Variants in DHX34 observed in about 807,000 individuals in gnomAD.
The protein encoded by DHX34 is probable ATP-dependent RNA helicase DHX34.
Under a neutral mutation model 111.1 loss-of-function variants are expected in DHX34, and 96 were observed. The observed-to-expected ratio is 0.86, with a 90% CI of 0.73 to 1.02. DHX34 has a LOEUF of 1.02. Among genes scored for constraint, DHX34 ranks in the 50% least tolerant of loss-of-function variants. DHX34 has a pLI of 0.00. For missense variants in DHX34, 1,560 were observed against 1,579.9 expected (o/e 0.99, Z 0.21); for synonymous variants, 688 against 670.4 (o/e 1.03, Z -0.41).
At chr19:47,358,216 G>C (rs1167000506) in intron 4 of DHX34, 96 bp downstream of exon 4, 7 of 1,489,124 alleles carry the variant, frequency 4.7e-6, no homozygotes, top group Non-Finnish European at 6.3e-6. Flanking sequence ...CACAGGGCTC[G>C]GGGGCTGTAC....
chr19:47,368,030 A>G (rs1969846192), intron 7 of DHX34, among the ~76,000 whole-genome samples: 1 of 151,662 alleles, frequency 6.6e-6, no homozygotes, highest in African/African-American at 2.4e-5. Flanking sequence ...ATTTTATGTT[A>G]TTTTTTACCA....
chr19:47,376,078 G>A lies in DHX34; in HGVS notation c.2462G>A (p.Ser821Asn). The A allele has an allele frequency of 6.4e-7, 1 of 1,567,670 alleles. No homozygotes were observed. Among genetic ancestry groups the A allele is most frequent in the Non-Finnish European group, 8.6e-7 (1 of 1,159,106 alleles). Residue 821 changes from serine (S) to asparagine (N), a missense_variant, in exon 11 of 17, where the codon AGC becomes AAC. Physicochemically the swap from Ser to Asn is conservative, Grantham distance 46 (BLOSUM62 1). Transcript: ENST00000328771. ...QLAVPDAFNS[S>N]RKDSDQIFHT... ...GCCGTCCCCGACGCCTTCAACAGCA[G>A]CCGAAAGGACTCAGACCAGGTGGGG...
At chr19:47,375,257 T>C (rs1970098594) in intron 9 of DHX34, 5 of 984,528 alleles carry the variant, frequency 5.1e-6, no homozygotes, top group Non-Finnish European at 6.0e-6. Context: ...ACCTGCCTCC[T>C]CTTGCCCCTG....
chr19:47,381,495 G>C, intron 16 of DHX34, 171 bp downstream of exon 16: 1 of 981,608 alleles, frequency 1.0e-6, no homozygotes, highest in South Asian at 1.8e-5. Flanking sequence ...AGGAGCCCAA[G>C]GCAGGGAGAG....
At chr19:47,378,932 C>G (rs1194909512) in intron 13 of DHX34, among the ~76,000 whole-genome samples, 1 of 151,254 alleles carries the variant, frequency 6.6e-6, no homozygotes, top group African/African-American at 2.4e-5. Flanking sequence ...GAGTTTGGGA[C>G]CAGCCTAGCC....
intron 16 of DHX34, 75 bp downstream of exon 16, chr19:47,381,399 G>A: frequency 6.5e-7 from 1 of 1,547,804 alleles, no homozygotes; most frequent in East Asian, 2.3e-5. Flanking sequence ...TCCTGTGCGT[G>A]TGAGCACTTG....
In DHX34 at chr19:47,382,256, T is replaced by C. The variant is rs1970391249; in HGVS notation, c.*143T>C. 2 of 1,401,840 alleles carry C rather than the reference T, an allele frequency of 1.4e-6. No individual in the cohort carries two copies. The highest frequency in any genetic ancestry group is 1.9e-6 in the Non-Finnish European group (2 of 1,062,896). 86.8% of individuals were successfully genotyped at this position (1,401,840 alleles called of 1,614,324 possible). ...TGCAGAGGGCCTGGAGCACGGATTG[T>C]GAATAAAGCCTCACATGCTGATACA... is the stretch of plus-strand genomic sequence containing the variant. On this transcript the variant is annotated 3_prime_UTR_variant, in exon 17 of 17. Transcript: ENST00000328771.
chr19:47,369,141 G>A (rs1969891684), intron 7 of DHX34, among the ~76,000 whole-genome samples: 1 of 152,142 alleles, frequency 6.6e-6, no homozygotes, highest in Non-Finnish European at 1.5e-5. Context: ...GCCTCCCAAA[G>A]TGCTGGGATT....
chr19:47,354,896 C>T lies in DHX34; in HGVS notation c.706-143C>T, dbSNP rs1051273603. ...CTCGAACTCCCTACCTCAGGTGATCCGCCCGCCTCTGCCTCCCAAAGTGCT... is the reference window on the plus strand; with the variant it reads ...CTCGAACTCCCTACCTCAGGTGATCTGCCCGCCTCTGCCTCCCAAAGTGCT... On this transcript the variant is annotated intron_variant, in intron 2 of 16. Transcript: ENST00000328771. 2.0e-4 allele frequency: 287 copies of T among 1,433,704 alleles called. 1 individual carries two copies. Among genetic ancestry groups the T allele is most frequent in the Non-Finnish European group, 2.4e-4 (265 of 1,083,780 alleles). 88.8% of individuals were successfully genotyped at this position (1,433,704 alleles called of 1,614,324 possible). A position where few individuals can be genotyped will look rare whatever the true frequency, so the allele number is the denominator to read the frequency against.
At chr19:47,381,126 G>A in intron 15 of DHX34, 60 bp from the exon 16 acceptor site, 1 of 1,601,964 alleles carries the variant, frequency 6.2e-7, no homozygotes, top group African/African-American at 1.3e-5. Context: ...TCCCGGGGGG[G>A]CACTTGGGTG....
Position 47,360,102 on chromosome 19 carries a change from C to T in DHX34, c.1375+32C>T. ...ACCACCATGAGCCCCTACCCACCAC[C>T]CCCAAGGACTTAGGAGCATGGGGTC... On this transcript the variant is annotated intron_variant, in intron 5 of 16. Coordinates refer to ENST00000328771, the MANE Select transcript of DHX34 (RefSeq NM_014681.6). The T allele has an allele frequency of 2.5e-6, 4 of 1,607,024 alleles. No individual in the cohort carries two copies. In the East Asian group the frequency reaches 6.7e-5, roughly 27 times the overall value.
chr19:47,370,275 C>G (rs928094802), intron 7 of DHX34, among the ~76,000 whole-genome samples: 1 of 152,098 alleles, frequency 6.6e-6, no homozygotes, highest in African/African-American at 2.4e-5. Flanking sequence ...GGTGGAGTAC[C>G]CAAGATCCCC....
At position 47,353,523 on chromosome 19, in the gene DHX34, G is replaced by A. The variant is rs1053244982; in HGVS notation, c.493G>A (p.Ala165Thr). ...LQRERAALPI[A>T]QYGNRILQTL... ...GCGTGAGCGGGCAGCCCTCCCCATCGCCCAGTATGGGAACCGCATCCTGCA... is the reference window on the plus strand; with the variant it reads ...GCGTGAGCGGGCAGCCCTCCCCATCACCCAGTATGGGAACCGCATCCTGCA... Residue 165 changes from alanine to threonine, a missense_variant, in exon 2 of 17, where the codon GCC becomes ACC. Transcript: ENST00000328771. The surrounding 1 kb of genome is among the most constrained non-coding windows in gnomAD (Gnocchi z 4.6). 4 of 1,613,492 alleles carry A rather than the reference G, an allele frequency of 2.5e-6. No individual in the cohort carries two copies. The highest frequency in any genetic ancestry group is 1.3e-5 in the African/African-American group (1 of 74,924).
intron 5 of DHX34, among the ~76,000 whole-genome samples, chr19:47,361,833 G>T (rs906819360): frequency 6.6e-6 from 1 of 152,168 alleles, no homozygotes. Context: ...GAAATATGGT[G>T]CTCTGTTCAG....
intron 16 of DHX34, chr19:47,381,747 G>A (rs1160132393): frequency 4.4e-6 from 3 of 686,828 alleles, no homozygotes; most frequent in Non-Finnish European, 5.4e-6. Flanking sequence ...CTGCCTCTCA[G>A]TCTCCATGTC....
rs907222293 is a variant in DHX34 at position 47,357,922 on chromosome 19, C to A, written c.1074C>A (p.Asp358Glu). 3.1e-6 allele frequency: 5 copies of A among 1,613,926 alleles called. No individual in the cohort carries two copies. Among genetic ancestry groups the A allele is most frequent in the Non-Finnish European group, 4.2e-6 (5 of 1,180,054 alleles). ...CCACGTCCAAGTCAGAGAAGCTGGA[C>A]CCGCGGCCTTTCCTGAGGGTGCTGG... is the stretch of plus-strand genomic sequence containing the variant. ...EPTTSKSEKL[D>E]PRPFLRVLES... Residue 358 changes from aspartate (D) to glutamate (E), a missense_variant, in exon 4 of 17, where the codon GAC becomes GAA. Transcript: ENST00000328771.
Position 47,362,574 on chromosome 19 carries a change from GCGGGCCGCA to G in DHX34, c.1481_1489del (p.Arg494_Gly496del). 1.9e-6 allele frequency: 3 copies of G among 1,613,574 alleles called. No homozygotes were observed. Among genetic ancestry groups the G allele is most frequent in the Non-Finnish European group, 2.5e-6 (3 of 1,179,892 alleles). On this transcript the variant is annotated inframe_deletion, in exon 6 of 17. Transcript: ENST00000328771. ...CAGCGCAGAGCAGCGGAAGGGCCGG[GCGGGCCGCA>G]CGGGCCCCGGAGTCTGCTTCCGCCT...
At chr19:47,368,346 G>T (rs1326576478) in intron 7 of DHX34, among the ~76,000 whole-genome samples, 1 of 104,696 alleles carries the variant, frequency 9.6e-6, no homozygotes, top group Non-Finnish European at 1.8e-5. Context: ...CGCTCTTGTT[G>T]CCCAGGCTGG....
intron 8 of DHX34, among the ~76,000 whole-genome samples, 199 bp downstream of exon 8, chr19:47,373,122 G>A (rs898249214): frequency 3.3e-5 from 5 of 152,214 alleles, no homozygotes; most frequent in Non-Finnish European, 5.9e-5. Context: ...GCCCAGGCCC[G>A]GGGCTGAGAG....
Sources: gnomAD v4.1 joint callset for allele counts (sites outside exome capture counted in the v4.1 genomes callset) on GRCh38, gnomAD v4.1.1 for gene constraint, Gnocchi (gnomAD v3.1) non-coding constraint, MANE v1.5 for transcripts, NCBI Gene and HGNC (gene_info 2026-07-23, HGNC 2026-07-21) for gene names.